The following ZBBX variants were observed in gnomAD, a reference collection of about 807,000 sequenced individuals.
ZBBX encodes zinc finger B-box domain containing, also known as zinc finger B-box domain-containing protein 1.
ZBBX carries 101 observed loss-of-function variants against 108.5 expected under a neutral mutation model. The observed-to-expected ratio is 0.93, with a 90% CI of 0.79 to 1.10. The LOEUF is 1.10. ZBBX is among the 50% of genes least tolerant of loss of function. ZBBX has a pLI of 0.00. For synonymous variants in ZBBX, 356 were observed against 323.4 expected (o/e 1.10, Z -1.08); for missense variants, 1,009 against 941.4 (o/e 1.07, Z -0.94).
At chr3:167,246,705 T>C (rs1011707509) in intron 20 of ZBBX, among the ~76,000 whole-genome samples, 8 of 152,206 alleles carry the variant, frequency 5.3e-5, no homozygotes, top group Admixed American at 6.5e-5. Context: ...ACTAATACTT[T>C]TTCACAATGT....
intron 1 of ZBBX, among the ~76,000 whole-genome samples, chr3:167,405,394 C>G (rs1045564560): frequency 6.6e-6 from 1 of 151,962 alleles, no homozygotes; most frequent in Admixed American, 6.6e-5. Context: ...GAGACAGGAA[C>G]CAGAAAAAGT....
At chr3:167,371,236 C>A (rs1027798257) in intron 4 of ZBBX, among the ~76,000 whole-genome samples, 11 of 152,184 alleles carry the variant, frequency 7.2e-5, no homozygotes, top group African/African-American at 1.9e-4. Context: ...CTAGACCCTG[C>A]CTTTTTCTCC....
intron 1 of ZBBX, among the ~76,000 whole-genome samples, chr3:167,391,001 G>T (rs1360061245): frequency 6.6e-6 from 1 of 151,974 alleles, no homozygotes; most frequent in Non-Finnish European, 1.5e-5. Context: ...GATTTCCCTG[G>T]CCAGAACTTC....
At chr3:167,252,429 T>A (rs944422482) in intron 20 of ZBBX, among the ~76,000 whole-genome samples, 6 of 152,148 alleles carry the variant, frequency 3.9e-5, no homozygotes, top group African/African-American at 7.2e-5. Flanking sequence ...AAAGGCCTTG[T>A]GCAGAGTCAG....
intron 1 of ZBBX, among the ~76,000 whole-genome samples, chr3:167,393,387 T>C (rs555744496): frequency 6.6e-6 from 1 of 151,954 alleles, no homozygotes; most frequent in Non-Finnish European, 1.5e-5. Flanking sequence ...TAATTTCTTA[T>C]GCTCAAGTAA....
At chr3:167,393,741 A>C (rs183940269) in intron 1 of ZBBX, among the ~76,000 whole-genome samples, 1 of 152,060 alleles carries the variant, frequency 6.6e-6, no homozygotes, top group Admixed American at 6.6e-5. Flanking sequence ...AAAAGGTGGA[A>C]GTAAAATGCA....
At chr3:167,358,579 G>T (rs1743976293) in intron 8 of ZBBX, among the ~76,000 whole-genome samples, 1 of 152,124 alleles carries the variant, frequency 6.6e-6, no homozygotes, top group Non-Finnish European at 1.5e-5. Context: ...CCAATGAGAA[G>T]TTAAAGAGCA....
intron 9 of ZBBX, among the ~76,000 whole-genome samples, chr3:167,346,656 T>C (rs2108472943): frequency 6.6e-6 from 1 of 151,936 alleles, no homozygotes; most frequent in South Asian, 2.1e-4. Flanking sequence ...AAATTAGGAA[T>C]GGATTCAGCA....
the ZBBX span, among the ~76,000 whole-genome samples, chr3:167,222,696 A>T: frequency 1.3e-5 from 2 of 151,910 alleles, no homozygotes; most frequent in African/African-American, 2.4e-5. Context: ...ATATACACCT[A>T]CTACATAACC....
chr3:167,345,214 A>G (rs2108465118), intron 9 of ZBBX, among the ~76,000 whole-genome samples: 1 of 151,994 alleles, frequency 6.6e-6, no homozygotes, highest in East Asian at 1.9e-4. Flanking sequence ...TTAAGCACTG[A>G]GGATACAGTG....
downstream of ZBBX, among the ~76,000 whole-genome samples, chr3:167,236,863 G>A (rs1217854183): frequency 6.6e-6 from 1 of 151,766 alleles, no homozygotes; most frequent in Non-Finnish European, 1.5e-5. Context: ...TAAGTTTTAT[G>A]AAGCAAAAGG....
At chr3:167,384,139 C>T (rs1036414122), upstream of ZBBX, among the ~76,000 whole-genome samples, 10 of 151,874 alleles carry the variant, frequency 6.6e-5, no homozygotes, top group South Asian at 2.1e-4. Flanking sequence ...TGTGTATAGC[C>T]GCATCTTTCA....
chr3:167,254,607 T>A (rs908005880), intron 20 of ZBBX, among the ~76,000 whole-genome samples: 1 of 152,054 alleles, frequency 6.6e-6, no homozygotes, highest in Admixed American at 6.6e-5. Flanking sequence ...ATATAAGTAA[T>A]ACTTTTTTAA....
At chr3:167,221,711 T>C in the ZBBX span, among the ~76,000 whole-genome samples, 1 of 151,254 alleles carries the variant, frequency 6.6e-6, no homozygotes, top group Non-Finnish European at 1.5e-5. Flanking sequence ...GAGGAAACAA[T>C]CAATAAAGTA....
At chr3:167,270,669 G>A (rs1483122054) in intron 20 of ZBBX, among the ~76,000 whole-genome samples, 1 of 152,148 alleles carries the variant, frequency 6.6e-6, no homozygotes, top group Non-Finnish European at 1.5e-5. Context: ...AATATTAGTT[G>A]AAGAAAGCAG....
At chr3:167,197,968 A>C in the ZBBX span, among the ~76,000 whole-genome samples, 1 of 152,216 alleles carries the variant, frequency 6.6e-6, no homozygotes, top group Non-Finnish European at 1.5e-5. Flanking sequence ...AGTACCATAT[A>C]AGTACCAATG....
chr3:167,321,623 A>T (rs987886876), intron 12 of ZBBX, among the ~76,000 whole-genome samples: 1 of 152,042 alleles, frequency 6.6e-6, no homozygotes, highest in African/African-American at 2.4e-5. Flanking sequence ...CTCACTTCAG[A>T]TCTACGAAAA....
intron 2 of ZBBX, among the ~76,000 whole-genome samples, chr3:167,374,996 A>G (rs1476225570): frequency 6.6e-6 from 1 of 152,234 alleles, no homozygotes; most frequent in Non-Finnish European, 1.5e-5. Context: ...ATAGTGGCTG[A>G]GGCCCAATAA....
chr3:167,296,185 T>C (rs1415344736), intron 18 of ZBBX, among the ~76,000 whole-genome samples: 2 of 151,978 alleles, frequency 1.3e-5, no homozygotes, highest in Non-Finnish European at 2.9e-5. Context: ...GAAAAAGTAT[T>C]TGACAAAATC....
Sources: allele counts gnomAD v4.1 joint callset (sites outside exome capture counted in the v4.1 genomes callset), GRCh38; gene constraint gnomAD v4.1.1; transcripts MANE v1.5; gene names NCBI Gene and HGNC (gene_info 2026-07-23, HGNC 2026-07-21).